Variants in GAS2L3 observed in about 807,000 individuals in gnomAD.
GAS2L3 encodes the protein growth arrest specific 2 like 3.
In GAS2L3, 28 loss-of-function variants were observed where a neutral mutation model predicts 37.0. That is an observed-to-expected ratio of 0.76 (90% CI 0.56 to 1.04). The LOEUF is 1.04. GAS2L3 is among the 50% of genes least tolerant of loss of function. The pLI, the probability that GAS2L3 is intolerant of heterozygous loss-of-function variation, is 0.00. For synonymous variants in GAS2L3, 290 were observed against 296.6 expected, an observed-to-expected ratio of 0.98 and a Z score of 0.23; for missense variants, 793 against 817.6, an observed-to-expected ratio of 0.97 and a Z score of 0.37.
chr12:100,594,135 T>G (rs1955881036), intron 2 of GAS2L3, among the ~76,000 whole-genome samples: 1 of 152,114 alleles, frequency 6.6e-6, no homozygotes, highest in Non-Finnish European at 1.5e-5. Flanking sequence ...TAGCTTATTA[T>G]GCTGCTATGA....
rs747309935 is a variant in GAS2L3, at chr12:100,623,609, T to C, written c.804T>C (p.Asp268=). The change falls in exon 10 of 10, where the codon GAT becomes GAC. Residue 268 remains aspartate, a synonymous_variant. Transcript: ENST00000547754. ...HVMVRVGGGW[D]TLQGFLLKYD... ...TGGTTCGCGTTGGTGGAGGCTGGGA[T>C]ACTCTTCAAGGATTTTTGCTTAAAT... is the stretch of plus-strand genomic sequence containing the variant. 6.2e-7 allele frequency: 1 copy of C among 1,612,678 alleles called. No individual in the cohort carries two copies. The highest frequency in any genetic ancestry group is 8.5e-7 in the Non-Finnish European group (1 of 1,179,410).
intron 3 of GAS2L3, 29 bp downstream of exon 3, chr12:100,594,951 A>C: frequency 9.4e-7 from 1 of 1,058,604 alleles, no homozygotes; most frequent in Non-Finnish European, 1.4e-6. Context: ...AACAATATTT[A>C]AATTATGAGA....
chr12:100,623,041 TA>T (rs1209334672), intron 9 of GAS2L3, among the ~76,000 whole-genome samples: 6 of 152,176 alleles, frequency 3.9e-5, no homozygotes, highest in African/African-American at 1.4e-4. Context: ...TAAAAGTATT[TA>T]AAAATATTAT....
chr12:100,608,111 C>T (rs371994594), intron 5 of GAS2L3, among the ~76,000 whole-genome samples: 5 of 152,166 alleles, frequency 3.3e-5, no homozygotes, highest in Non-Finnish European at 7.4e-5. Flanking sequence ...CCATGGTTCT[C>T]GCAGACTTAT....
rs1200873213 is a variant in GAS2L3, at chr12:100,624,296, A to G, written c.1491A>G (p.Ser497=). The G allele has an allele frequency of 3.7e-6, 6 of 1,613,964 alleles. No homozygotes were observed. The East Asian group carries it at 1.1e-4, about 30-fold the overall frequency. Residue 497 remains serine (S), a synonymous_variant, in exon 10 of 10, where the codon TCA becomes TCG. Transcript: ENST00000547754. ...TAGCTGCACATTCAAATTCATCCTCAAAATGTCCCAAGCTGCCTAAAGCAA... is the reference window on the plus strand; with the variant it reads ...TAGCTGCACATTCAAATTCATCCTCGAAATGTCCCAAGCTGCCTAAAGCAA... ...SHLAAHSNSS[S]KCPKLPKANI...
At chr12:100,598,450 T>A (rs1168756805) in intron 3 of GAS2L3, among the ~76,000 whole-genome samples, 1 of 152,200 alleles carries the variant, frequency 6.6e-6, no homozygotes, top group African/African-American at 2.4e-5. Context: ...CATTGCCTCC[T>A]ATCAGGTAGC....
chr12:100,586,736 G>A (rs937877920), intron 1 of GAS2L3, among the ~76,000 whole-genome samples: 4 of 151,968 alleles, frequency 2.6e-5, no homozygotes, highest in African/African-American at 9.7e-5. Flanking sequence ...GATCGTAGCA[G>A]AACTAAATGA....
At chr12:100,604,500 G>A (rs540594149) in intron 5 of GAS2L3, among the ~76,000 whole-genome samples, 266 of 145,412 alleles carry the variant, frequency 1.8e-3, no homozygotes, top group Non-Finnish European at 3.0e-3. Context: ...TGAGTGTGGG[G>A]TCTTTAGGTT....
intron 1 of GAS2L3, among the ~76,000 whole-genome samples, chr12:100,585,945 A>G (rs115953466): frequency 3.3e-5 from 5 of 152,054 alleles, no homozygotes; most frequent in Admixed American, 3.3e-4. Flanking sequence ...GTGTTTCCCT[A>G]GTTCTTTTTC....
intron 5 of GAS2L3, among the ~76,000 whole-genome samples, chr12:100,608,714 G>A (rs1439352999): frequency 6.6e-6 from 1 of 151,932 alleles, no homozygotes; most frequent in African/African-American, 2.4e-5. Flanking sequence ...TAGTAGAGAC[G>A]GGGTTTCACC....
intron 7 of GAS2L3, 142 bp downstream of exon 7, chr12:100,617,949 C>A: frequency 3.3e-6 from 2 of 606,122 alleles, no homozygotes; most frequent in Admixed American, 3.0e-5. Context: ...GTTTCTTTAT[C>A]AACTTCATTC....
At chr12:100,604,838 A>C (rs570713700) in intron 5 of GAS2L3, among the ~76,000 whole-genome samples, 8 of 152,104 alleles carry the variant, frequency 5.3e-5, no homozygotes, top group Admixed American at 4.6e-4. Context: ...CTTTTTCAAC[A>C]TTAGTTGAAA....
At chr12:100,620,894 A>C (rs186366399) in intron 8 of GAS2L3, among the ~76,000 whole-genome samples, 67 of 152,212 alleles carry the variant, frequency 4.4e-4, no homozygotes, top group Non-Finnish European at 8.5e-4. Flanking sequence ...CATTTTATGC[A>C]CATGGTGTGT....
In GAS2L3 at chr12:100,625,165, G is replaced by T; in HGVS notation, c.*275G>T. 3.9e-6 allele frequency: 1 copy of T among 258,826 alleles called. No individual in the cohort carries two copies. 16.0% of individuals were successfully genotyped at this position (258,826 alleles called of 1,614,324 possible). On this transcript the variant is annotated 3_prime_UTR_variant, in exon 10 of 10. Transcript: ENST00000547754. ...GTCTATAGCATCTTTGTTAACATCT[G>T]CCTTTTGCAGGAAATGTAAAAGTTA...
At chr12:100,620,110 G>A (rs1956235619) in intron 8 of GAS2L3, among the ~76,000 whole-genome samples, 1 of 151,934 alleles carries the variant, frequency 6.6e-6, no homozygotes, top group African/African-American at 2.4e-5. Flanking sequence ...CATTTTTATT[G>A]TAGTTGAAGA....
At chr12:100,598,957 T>C (rs1027557736) in intron 3 of GAS2L3, among the ~76,000 whole-genome samples, 2 of 152,216 alleles carry the variant, frequency 1.3e-5, no homozygotes, top group African/African-American at 4.8e-5. Context: ...CCTGGGTAGA[T>C]GCTCAGCTCA....
At chr12:100,591,159 A>C (rs1400314957) in intron 1 of GAS2L3, among the ~76,000 whole-genome samples, 1 of 152,196 alleles carries the variant, frequency 6.6e-6, no homozygotes, top group African/African-American at 2.4e-5. Flanking sequence ...CAACTGGTAT[A>C]TTAACCCCAT....
At chr12:100,604,996 G>A (rs11531151) in intron 5 of GAS2L3, among the ~76,000 whole-genome samples, 6,767 of 152,070 alleles carry the variant, frequency 0.044, 283 homozygotes, top group South Asian at 0.18. Flanking sequence ...AATTCAGTTT[G>A]CTAGTATTTT....
chr12:100,619,924 TA>T (rs1956233205), intron 8 of GAS2L3, among the ~76,000 whole-genome samples: 1 of 152,004 alleles, frequency 6.6e-6, no homozygotes, highest in South Asian at 2.1e-4. Context: ...GAAATCAGAT[TA>T]AAACAGCTAT....
Sources: gnomAD v4.1 joint callset for allele counts (sites outside exome capture counted in the v4.1 genomes callset) on GRCh38, gnomAD v4.1.1 for gene constraint, MANE v1.5 for transcripts, NCBI Gene and HGNC (gene_info 2026-07-23, HGNC 2026-07-21) for gene names.